Variants in WDR27 observed in about 807,000 individuals in gnomAD.
The protein encoded by WDR27 is WD repeat domain 27.
WDR27 carries 100 observed loss-of-function variants against 114.4 expected under a neutral mutation model. That is an observed-to-expected ratio of 0.87 (90% CI 0.74 to 1.03). The LOEUF is 1.03. Among genes scored for constraint, WDR27 ranks in the 50% least tolerant of loss-of-function variants. The pLI is 0.00. For synonymous variants in WDR27, 449 were observed against 423.1 expected (o/e 1.06, Z -0.75); for missense variants, 1,129 against 1,092.9 (o/e 1.03, Z -0.47).
At chr6:169,530,908 T>G (rs774242206) in intron 25 of WDR27, among the ~76,000 whole-genome samples, 4 of 152,252 alleles carry the variant, frequency 2.6e-5, no homozygotes, top group Non-Finnish European at 5.9e-5. Flanking sequence ...ATGTCTGAGA[T>G]GCAGCCACAT....
chr6:169,656,283 C>T (rs1824168600), intron 13 of WDR27, among the ~76,000 whole-genome samples: 1 of 152,078 alleles, frequency 6.6e-6, no homozygotes, highest in African/African-American at 2.4e-5. Context: ...GGGGGCCAAT[C>T]AGAGGAAAGC....
At chr6:169,694,464 T>G (rs1373764411) in intron 1 of WDR27, among the ~76,000 whole-genome samples, 1 of 152,220 alleles carries the variant, frequency 6.6e-6, no homozygotes, top group Non-Finnish European at 1.5e-5. Flanking sequence ...TCATTCTACC[T>G]TTCCCAAATG....
chr6:169,649,029 T>C (rs949379650), intron 15 of WDR27, among the ~76,000 whole-genome samples, 169 bp downstream of exon 15: 2 of 152,222 alleles, frequency 1.3e-5, no homozygotes, highest in Non-Finnish European at 2.9e-5. Context: ...GGAAAGAAAT[T>C]TGGCTAAAAA....
At chr6:169,498,809 G>A (rs1790724202) in intron 25 of WDR27, among the ~76,000 whole-genome samples, 1 of 152,218 alleles carries the variant, frequency 6.6e-6, no homozygotes, top group Non-Finnish European at 1.5e-5. Context: ...GCAGTTGCCA[G>A]GGGTTATGGA....
chr6:169,499,108 CGGAAACAG>C (rs1448175827), intron 25 of WDR27, among the ~76,000 whole-genome samples: 12 of 152,208 alleles, frequency 7.9e-5, no homozygotes, highest in Non-Finnish European at 1.5e-5. Context: ...TGTTGCTAAG[CGGAAACAG>C]ACGCTGTATT....
intron 25 of WDR27, among the ~76,000 whole-genome samples, chr6:169,572,174 C>T (rs890436830): frequency 1.3e-5 from 2 of 152,068 alleles, no homozygotes; most frequent in Admixed American, 1.3e-4. Context: ...TTAAAAGCTA[C>T]AGCAATCATT....
chr6:169,546,644 C>T (rs1206483260), intron 25 of WDR27, among the ~76,000 whole-genome samples: 1 of 152,154 alleles, frequency 6.6e-6, no homozygotes, highest in Admixed American at 6.5e-5. Context: ...CCCTTCTATC[C>T]CCAGACCCTC....
intron 23 of WDR27, among the ~76,000 whole-genome samples, chr6:169,599,066 C>T (rs1223338120): frequency 6.6e-6 from 1 of 151,980 alleles, no homozygotes; most frequent in East Asian, 1.9e-4. Flanking sequence ...TATACATGTG[C>T]CATGTTGGTG....
chr6:169,686,744 A>G (rs1183827724), intron 2 of WDR27, among the ~76,000 whole-genome samples: 4 of 152,188 alleles, frequency 2.6e-5, no homozygotes, highest in Non-Finnish European at 2.9e-5. Flanking sequence ...CAACCTAAGC[A>G]TCCATCCACA....
At chr6:169,667,299 A>G (rs1828120626) in intron 5 of WDR27, 112 bp from the exon 6 acceptor site, 2 of 1,257,296 alleles carry the variant, frequency 1.6e-6, no homozygotes, top group East Asian at 3.1e-5. Context: ...ATGGTTATCT[A>G]AAACAGAAAA....
intron 25 of WDR27, among the ~76,000 whole-genome samples, chr6:169,534,468 C>T (rs1795988509): frequency 6.6e-6 from 1 of 152,080 alleles, no homozygotes; most frequent in African/African-American, 2.4e-5. Context: ...TATTAATTCC[C>T]TTTTAAGAGT....
chr6:169,695,921 A>G (rs1785808312), intron 1 of WDR27, among the ~76,000 whole-genome samples: 1 of 152,134 alleles, frequency 6.6e-6, no homozygotes, highest in Non-Finnish European at 1.5e-5. Flanking sequence ...AGGACCCAGG[A>G]GCTGAGGCCT....
intron 25 of WDR27, among the ~76,000 whole-genome samples, chr6:169,468,035 A>T (rs1050117443): frequency 3.3e-5 from 5 of 152,194 alleles, no homozygotes; most frequent in African/African-American, 1.2e-4. Flanking sequence ...ATCTGTCTCA[A>T]GTTTAAAGTT....
At chr6:169,661,879 T>C (rs1826217876) in intron 9 of WDR27, among the ~76,000 whole-genome samples, 1 of 152,232 alleles carries the variant, frequency 6.6e-6, no homozygotes, top group African/African-American at 2.4e-5. Flanking sequence ...TAAACAGTAC[T>C]TCCTTATGTT....
chr6:169,575,888 A>G (rs1333929544), intron 24 of WDR27, among the ~76,000 whole-genome samples: 1 of 152,212 alleles, frequency 6.6e-6, no homozygotes, highest in African/African-American at 2.4e-5. Context: ...AGGTTCAACA[A>G]TTTCACAAAT....
the WDR27 span, among the ~76,000 whole-genome samples, chr6:169,429,976 G>A: frequency 2.0e-5 from 3 of 152,170 alleles, no homozygotes; most frequent in Non-Finnish European, 4.4e-5. Flanking sequence ...ATTTCCCTTC[G>A]AGTTGTGTTT....
intron 23 of WDR27, among the ~76,000 whole-genome samples, chr6:169,583,500 TATATGTATATATACACACAC>T (rs1331078882): frequency 6.5e-5 from 2 of 30,816 alleles, no homozygotes; most frequent in Non-Finnish European, 3.8e-4. Context: ...TATATATATA[TATATGTATATATACACACAC>T]ACACACACAC....
the WDR27 span, among the ~76,000 whole-genome samples, chr6:169,445,548 G>A: frequency 2.0e-5 from 3 of 152,306 alleles, no homozygotes; most frequent in South Asian, 2.1e-4. Context: ...GATAGTGGCC[G>A]TCACCCAGCA....
intron 25 of WDR27, among the ~76,000 whole-genome samples, chr6:169,503,420 T>C (rs1254208906): frequency 1.3e-5 from 2 of 152,238 alleles, no homozygotes; most frequent in Non-Finnish European, 1.5e-5. Context: ...CCTTTGCTAA[T>C]TTAACAACAG....
Sources: allele counts gnomAD v4.1 joint callset (sites outside exome capture counted in the v4.1 genomes callset), GRCh38; gene constraint gnomAD v4.1.1; transcripts MANE v1.5; gene names NCBI Gene and HGNC (gene_info 2026-07-23, HGNC 2026-07-21).